The following NAALADL2 variants were observed in gnomAD, a reference collection of about 807,000 sequenced individuals.
The protein encoded by NAALADL2 is N-acetylated alpha-linked acidic dipeptidase like 2.
In NAALADL2, 76 loss-of-function variants were observed where a neutral mutation model predicts 87.2. The ratio of observed to expected loss-of-function variants is 0.87; its 90% CI spans 0.72 to 1.05. The LOEUF is 1.05. NAALADL2 is among the 50% of genes least tolerant of loss of function. NAALADL2 has a pLI of 0.00. For synonymous variants in NAALADL2, 354 were observed against 331.0 expected (o/e 1.07, Z -0.75); for missense variants, 1,089 against 945.8 (o/e 1.15, Z -1.99).
chr3:175,747,769 A>G (rs953913177), intron 12 of NAALADL2, among the ~76,000 whole-genome samples: 2 of 152,136 alleles, frequency 1.3e-5, no homozygotes, highest in Admixed American at 1.3e-4. Context: ...AATTTAATTC[A>G]TTCAGGAATG....
chr3:175,015,742 A>G (rs956962548), intron 1 of NAALADL2, among the ~76,000 whole-genome samples: 3 of 152,160 alleles, frequency 2.0e-5, no homozygotes. Context: ...CTAATTAAAT[A>G]GAATAACTTA....
At chr3:175,574,578 A>C (rs1464933266) in intron 9 of NAALADL2, among the ~76,000 whole-genome samples, 2 of 152,022 alleles carry the variant, frequency 1.3e-5, no homozygotes, top group Non-Finnish European at 2.9e-5. Context: ...TGGTTACAGG[A>C]ACTGTTCTGG....
At chr3:174,876,660 A>G (rs1260011412) in intron 1 of NAALADL2, among the ~76,000 whole-genome samples, 1 of 152,132 alleles carries the variant, frequency 6.6e-6, no homozygotes, top group African/African-American at 2.4e-5. Flanking sequence ...GCAATTCCAC[A>G]GACTGAGAAT....
intron 1 of NAALADL2, among the ~76,000 whole-genome samples, chr3:174,475,457 A>AT (rs11338258): frequency 8.0e-5 from 12 of 150,576 alleles, no homozygotes; most frequent in Non-Finnish European, 1.5e-4. Context: ...TAATTGTGTA[A>AT]TTTTTTTTTT....
chr3:174,797,757 G>A (rs1388842956), intron 3 of NAALADL2, among the ~76,000 whole-genome samples: 5 of 152,076 alleles, frequency 3.3e-5, no homozygotes, highest in Admixed American at 3.3e-4. Flanking sequence ...TTAAATTGCT[G>A]TTAGTTAAGC....
chr3:174,756,990 G>A (rs911276391), intron 3 of NAALADL2, among the ~76,000 whole-genome samples: 34 of 152,034 alleles, frequency 2.2e-4, no homozygotes, highest in African/African-American at 8.0e-4. Flanking sequence ...TCACATTTTG[G>A]TGTCTCTGTA....
At chr3:174,472,874 T>C (rs1424324941) in intron 1 of NAALADL2, among the ~76,000 whole-genome samples, 1 of 152,136 alleles carries the variant, frequency 6.6e-6, no homozygotes, top group Non-Finnish European at 1.5e-5. Context: ...CAACCAGCTT[T>C]TTCTTTGCCA....
intron 4 of NAALADL2, among the ~76,000 whole-genome samples, chr3:175,264,263 A>G (rs745616266): frequency 2.0e-5 from 3 of 151,866 alleles, no homozygotes; most frequent in Non-Finnish European, 4.4e-5. Context: ...CAAAATCTCT[A>G]CATTGATGAC....
intron 4 of NAALADL2, among the ~76,000 whole-genome samples, chr3:175,306,466 A>C (rs1757734401): frequency 6.6e-6 from 1 of 152,066 alleles, no homozygotes; most frequent in Admixed American, 6.6e-5. Flanking sequence ...AAGAATCCAT[A>C]CTCATTTTGT....
At chr3:175,511,974 C>T (rs1441573665) in intron 9 of NAALADL2, among the ~76,000 whole-genome samples, 1 of 152,090 alleles carries the variant, frequency 6.6e-6, no homozygotes, top group East Asian at 1.9e-4. Flanking sequence ...GGGCATGGTG[C>T]CTAATGCCTG....
chr3:175,320,517 G>C (rs1286595844), intron 4 of NAALADL2, among the ~76,000 whole-genome samples: 1 of 152,136 alleles, frequency 6.6e-6, no homozygotes, highest in African/African-American at 2.4e-5. Context: ...AAGATGACTA[G>C]TATACTGGGG....
chr3:175,127,378 A>G (rs1248239764), intron 2 of NAALADL2, among the ~76,000 whole-genome samples: 1 of 152,076 alleles, frequency 6.6e-6, no homozygotes, highest in Non-Finnish European at 1.5e-5. Flanking sequence ...CATGAAGTTT[A>G]CATAGCAAGT....
intron 4 of NAALADL2, among the ~76,000 whole-genome samples, chr3:175,297,140 G>A (rs772383193): frequency 5.3e-5 from 8 of 152,228 alleles, no homozygotes; most frequent in South Asian, 2.1e-4. Flanking sequence ...AAGTCAAGTC[G>A]TTACAACAGA....
At chr3:174,625,956 A>T (rs1721530230) in intron 2 of NAALADL2, among the ~76,000 whole-genome samples, 1 of 152,224 alleles carries the variant, frequency 6.6e-6, no homozygotes, top group Non-Finnish European at 1.5e-5. Flanking sequence ...TTTATCATTT[A>T]TGCTTTTACA....
rs188588258 is a variant in NAALADL2, at chr3:175,430,188, G to A, written c.1091-17041G>A. On this transcript the variant is annotated intron_variant, in intron 5 of 13. Transcript: ENST00000454872. Reference sequence around the variant, plus strand: ...TATTCTGATTTTATATTCTTTGGCCGTTAAATTATGCATTGAGAACTACCA... The same window carrying A: ...TATTCTGATTTTATATTCTTTGGCCATTAAATTATGCATTGAGAACTACCA... Among the ~76,000 whole-genome samples, 169 of 151,858 alleles carry A rather than the reference G, an allele frequency of 1.1e-3. 2 individuals carry two copies. In the South Asian group the frequency reaches 0.019, roughly 17 times the overall value.
chr3:175,380,424 C>T (rs1035380808), intron 5 of NAALADL2, among the ~76,000 whole-genome samples: 17 of 151,980 alleles, frequency 1.1e-4, no homozygotes, highest in African/African-American at 4.1e-4. Flanking sequence ...TGTCAGCATT[C>T]AATAATACAT....
chr3:174,838,037 GAAAAAA>G (rs1158682043), intron 3 of NAALADL2, among the ~76,000 whole-genome samples: 5 of 117,366 alleles, frequency 4.3e-5, no homozygotes, highest in African/African-American at 1.6e-4. Flanking sequence ...AAAAAAAAAA[GAAAAAA>G]AAAAAACTAC....
At chr3:175,126,006 G>A (rs1432504815) in intron 2 of NAALADL2, among the ~76,000 whole-genome samples, 1 of 152,030 alleles carries the variant, frequency 6.6e-6, no homozygotes, top group Non-Finnish European at 1.5e-5. Flanking sequence ...CCAAAATTTG[G>A]AATTCTAAGA....
chr3:175,224,238 A>G (rs1349984400), intron 2 of NAALADL2, among the ~76,000 whole-genome samples: 23 of 152,078 alleles, frequency 1.5e-4, no homozygotes, highest in Admixed American at 1.5e-3. Context: ...AGATGTTCTT[A>G]TGATCAGGCA....
Sources: allele counts gnomAD v4.1 joint callset (sites outside exome capture counted in the v4.1 genomes callset), GRCh38; gene constraint gnomAD v4.1.1; transcripts MANE v1.5; gene names NCBI Gene and HGNC (gene_info 2026-07-23, HGNC 2026-07-21).